The following RBM6 variants were observed in gnomAD, a reference collection of about 807,000 sequenced individuals.
RBM6 encodes RNA binding motif protein 6.
Under a neutral mutation model 140.4 loss-of-function variants are expected in RBM6, and 23 were observed. The ratio of observed to expected loss-of-function variants is 0.16; its 90% CI spans 0.12 to 0.23. The LOEUF is 0.23. RBM6 is among the 10% of genes least tolerant of loss of function. The pLI, the probability that RBM6 is intolerant of heterozygous loss-of-function variation, is 1.00. For synonymous variants in RBM6, 439 were observed against 475.6 expected (o/e 0.92, Z 1.00); for missense variants, 1,139 against 1,386.7 (o/e 0.82, Z 2.84).
At chr3:49,958,909 C>T (rs1187577948) in intron 1 of RBM6, among the ~76,000 whole-genome samples, 1 of 151,322 alleles carries the variant, frequency 6.6e-6, no homozygotes, top group Admixed American at 6.6e-5. Flanking sequence ...GATACTCCTG[C>T]CTCAGCCTCC....
rs1245755422 is a variant in RBM6 at position 50,075,225 on chromosome 3, A to G, written c.3141A>G (p.Glu1047=). The change falls in exon 20 of 21, where the codon GAA becomes GAG. Residue 1047 remains glutamate, a synonymous_variant. Coordinates refer to ENST00000266022, the MANE Select transcript of RBM6 (RefSeq NM_005777.3). ...GTGATCGTAAACTTGTTGATAAAGA[A>G]GATATCGACACTAGCAGCAAAGGAG... ...TDSDRKLVDK[E]DIDTSSKGGC... 1.2e-6 allele frequency: 2 copies of G among 1,613,972 alleles called. No homozygotes were observed. The highest frequency in any genetic ancestry group is 2.7e-5 in the African/African-American group (2 of 74,888).
chr3:49,976,485 A>G (rs557462110), intron 5 of RBM6, among the ~76,000 whole-genome samples: 1 of 152,324 alleles, frequency 6.6e-6, no homozygotes, highest in African/African-American at 2.4e-5. Context: ...CATGAGTAAG[A>G]GTAGATATAT....
intron 6 of RBM6, among the ~76,000 whole-genome samples, chr3:50,043,234 A>G (rs2089025741): frequency 6.6e-6 from 1 of 152,156 alleles, no homozygotes; most frequent in Non-Finnish European, 1.5e-5. Flanking sequence ...CTGTAATCCC[A>G]GCACTTCGGG....
At chr3:50,073,829 G>A (rs2090378306) in intron 19 of RBM6, among the ~76,000 whole-genome samples, 1 of 148,708 alleles carries the variant, frequency 6.7e-6, no homozygotes, top group South Asian at 2.1e-4. Context: ...GTTTTTTACA[G>A]TCTGACCCCA....
intron 5 of RBM6, among the ~76,000 whole-genome samples, chr3:49,995,641 T>G (rs551517394): frequency 6.6e-6 from 1 of 152,102 alleles, no homozygotes; most frequent in Non-Finnish European, 1.5e-5. Context: ...GTAATAGTCA[T>G]ATAAATAAGC....
At chr3:49,991,150 G>GT (rs2085801068) in intron 5 of RBM6, among the ~76,000 whole-genome samples, 1 of 152,186 alleles carries the variant, frequency 6.6e-6, no homozygotes, top group African/African-American at 2.4e-5. Flanking sequence ...ATGTTTATCA[G>GT]TTTTTTATAA....
At chr3:50,026,366 A>G (rs1323264476) in intron 6 of RBM6, among the ~76,000 whole-genome samples, 1 of 145,712 alleles carries the variant, frequency 6.9e-6, no homozygotes, top group Non-Finnish European at 1.5e-5. Context: ...TATAGGCGTG[A>G]GCCACTGTGC....
chr3:50,037,929 C>T (rs1383478056), intron 6 of RBM6, among the ~76,000 whole-genome samples: 2 of 149,766 alleles, frequency 1.3e-5, no homozygotes, highest in East Asian at 3.9e-4. Flanking sequence ...TCAGGTGATT[C>T]TCTTGCCTCA....
At chr3:50,028,064 GTT>G (rs36080040) in intron 6 of RBM6, among the ~76,000 whole-genome samples, 30 of 146,942 alleles carry the variant, frequency 2.0e-4, no homozygotes, top group Admixed American at 4.7e-4. Context: ...TTTTGTACTT[GTT>G]TTTTTTTTTT....
chr3:50,020,850 T>C (rs2087440798), intron 6 of RBM6, among the ~76,000 whole-genome samples: 1 of 152,198 alleles, frequency 6.6e-6, no homozygotes, highest in African/African-American at 2.4e-5. Flanking sequence ...ATTTCAGTAT[T>C]TTGGGACCAC....
intron 1 of RBM6, among the ~76,000 whole-genome samples, chr3:49,944,971 G>A (rs1040881758): frequency 6.7e-6 from 1 of 150,248 alleles, no homozygotes; most frequent in Non-Finnish European, 1.5e-5. Flanking sequence ...CCGCCTCCTG[G>A]GTTCTTGCCA....
intron 6 of RBM6, among the ~76,000 whole-genome samples, chr3:50,043,717 G>A (rs2089061256): frequency 6.6e-6 from 1 of 151,130 alleles, no homozygotes; most frequent in South Asian, 2.1e-4. Flanking sequence ...CCGAGTAGCT[G>A]GGATTACAAG....
At chr3:50,016,687 T>C (rs1345003963) in intron 6 of RBM6, among the ~76,000 whole-genome samples, 1 of 152,154 alleles carries the variant, frequency 6.6e-6, no homozygotes, top group African/African-American at 2.4e-5. Context: ...TTTGTTTGTT[T>C]GAGACAGTGT....
intron 8 of RBM6, among the ~76,000 whole-genome samples, chr3:50,056,826 G>A (rs1316379650): frequency 1.3e-5 from 2 of 152,134 alleles, no homozygotes; most frequent in Non-Finnish European, 1.5e-5. Context: ...TAGGACATTT[G>A]AAATAAATCA....
At chr3:49,991,291 AGC>A (rs2085810287) in intron 5 of RBM6, among the ~76,000 whole-genome samples, 2 of 152,172 alleles carry the variant, frequency 1.3e-5, no homozygotes, top group Non-Finnish European at 2.9e-5. Flanking sequence ...CCAATCAGGA[AGC>A]TCTCTGAGCC....
chr3:49,961,828 T>C (rs183082620), intron 1 of RBM6, among the ~76,000 whole-genome samples: 3 of 151,052 alleles, frequency 2.0e-5, no homozygotes, highest in Admixed American at 2.0e-4. Context: ...TTTTTCTTAT[T>C]ATAAATTTAA....
intron 7 of RBM6, among the ~76,000 whole-genome samples, chr3:50,049,534 C>T (rs2089377459): frequency 6.6e-6 from 1 of 151,726 alleles, no homozygotes; most frequent in African/African-American, 2.4e-5. Context: ...CCCCGACACA[C>T]TAAAAATGTT....
At chr3:50,048,509 G>A (rs1365332138) in intron 7 of RBM6, among the ~76,000 whole-genome samples, 190 bp downstream of exon 7, 3 of 152,088 alleles carry the variant, frequency 2.0e-5, no homozygotes, top group South Asian at 2.1e-4. Context: ...GCTACATGTG[G>A]CCATAGAGAG....
At position 49,941,640 on chromosome 3, in the gene RBM6, C is replaced by CAAAAAAAAA. The variant is rs1171636981; in HGVS notation, c.-67+1437_-67+1445dup. On this transcript the variant is annotated intron_variant, in intron 1 of 20. Coordinates refer to ENST00000266022, the MANE Select transcript of RBM6 (RefSeq NM_005777.3). ...GGGCCACAAGAGTGAAACTCTGTCT[C>CAAAAAAAAA]AAAAAAAAAAAAAAAAAAAAAAAAA... 9.2e-4 allele frequency among the ~76,000 whole-genome samples: 54 copies of CAAAAAAAAA among 58,726 alleles called. 2 individuals carry two copies. Among genetic ancestry groups the CAAAAAAAAA allele is most frequent in the African/African-American group, 3.6e-3 (50 of 13,938 alleles). The allele number at this position is 58,726 out of a possible 152,430, so 38.5% of individuals were successfully genotyped here. A position where few individuals can be genotyped will look rare whatever the true frequency, so the allele number is the denominator to read the frequency against.
Sources: gnomAD v4.1 joint callset for allele counts (sites outside exome capture counted in the v4.1 genomes callset) on GRCh38, gnomAD v4.1.1 for gene constraint, MANE v1.5 for transcripts, NCBI Gene and HGNC (gene_info 2026-07-23, HGNC 2026-07-21) for gene names.